The following NAV1 variants were observed in gnomAD, a reference collection of about 807,000 sequenced individuals.
The protein encoded by NAV1 is pore membrane and/or filament interacting like protein 3.
A neutral mutation model predicts 175.2 loss-of-function variants in NAV1; 18 were observed. That is an observed-to-expected ratio of 0.10 (90% CI 0.07 to 0.15). The LOEUF is 0.15. Ranked by LOEUF, NAV1 falls within the 10% of genes least tolerant of loss-of-function variation. The probability of loss-of-function intolerance (pLI) is 1.00; values close to 1 mark genes in which losing one functional copy is unlikely to be tolerated. For synonymous variants in NAV1, 897 were observed against 978.7 expected (o/e 0.92, Z 1.56); for missense variants, 1,731 against 2,436.6 (o/e 0.71, Z 6.10).
At chr1:201,774,751 C>A (rs530456792) in intron 3 of NAV1, among the ~76,000 whole-genome samples, 5 of 152,316 alleles carry the variant, frequency 3.3e-5, no homozygotes, top group Admixed American at 2.0e-4. Flanking sequence ...CCAAAAGAGT[C>A]ACTTAGGATA....
At chr1:201,578,704 A>G (rs889634411) in intron 1 of NAV1, among the ~76,000 whole-genome samples, 1 of 152,208 alleles carries the variant, frequency 6.6e-6, no homozygotes, top group Non-Finnish European at 1.5e-5. Flanking sequence ...TAGGCTCCCC[A>G]CTTGCCCTTC....
chr1:201,711,337 G>A (rs763690032), intron 1 of NAV1, among the ~76,000 whole-genome samples: 18 of 152,232 alleles, frequency 1.2e-4, no homozygotes, highest in Non-Finnish European at 2.4e-4. Context: ...CTCAGAAAAG[G>A]TGCCCAAAAG....
At position 201,569,761 on chromosome 1, in the gene NAV1, C is replaced by T. The variant is rs530915456; in HGVS notation, c.-143-18778C>T. 1.4e-3 allele frequency among the ~76,000 whole-genome samples: 217 copies of T among 152,302 alleles called. 1 individual carries two copies. The highest frequency in any genetic ancestry group is 4.5e-3 in the African/African-American group (185 of 41,558). On this transcript the variant is annotated intron_variant, in intron 1 of 33. Coordinates refer to the NAV1 transcript ENST00000685211. ...GTAACCCCCTCATGAGGAAGCCCCT[C>T]GCAGTATCCGCTGGTCCAGTTCTCT...
upstream of NAV1, among the ~76,000 whole-genome samples, chr1:201,620,498 G>A (rs1044186851): frequency 1.5e-4 from 18 of 118,674 alleles, no homozygotes; most frequent in Admixed American, 6.8e-4. Flanking sequence ...TCGCTCTCTC[G>A]TTCAGGCTGG....
intron 1 of NAV1, among the ~76,000 whole-genome samples, chr1:201,669,788 G>T (rs1669965011): frequency 6.6e-6 from 1 of 152,076 alleles, no homozygotes. Flanking sequence ...ATTCCTGCAG[G>T]CTCCAGGGAG....
chr1:201,650,076 G>A (rs1162749117), intron 1 of NAV1, among the ~76,000 whole-genome samples: 1 of 152,218 alleles, frequency 6.6e-6, no homozygotes, highest in Non-Finnish European at 1.5e-5. Context: ...CCCTACACCC[G>A]CAGGTCTTTT....
At chr1:201,739,900 A>C (rs1673291779) in intron 3 of NAV1, 1 of 1,289,498 alleles carries the variant, frequency 7.8e-7, no homozygotes, top group South Asian at 2.7e-5. Context: ...GGCGAGGGTT[A>C]GGTTTCCGAC....
At chr1:201,614,880 T>C (rs549146262) in intron 2 of NAV1, among the ~76,000 whole-genome samples, 1 of 152,334 alleles carries the variant, frequency 6.6e-6, no homozygotes, top group Admixed American at 6.5e-5. Context: ...GGAATGATAA[T>C]AATAGCACCA....
intron 2 of NAV1, among the ~76,000 whole-genome samples, chr1:201,639,940 C>T (rs530970153): frequency 9.3e-4 from 141 of 152,322 alleles, no homozygotes; most frequent in African/African-American, 3.2e-3. Context: ...CCTGCTCTAT[C>T]CTTGCCCTGT....
At chr1:201,648,287 C>G (rs1376207278) in exon 1 of NAV1, 1 of 1,091,766 alleles carries the variant, frequency 9.2e-7, no homozygotes, top group Non-Finnish European at 1.1e-6. Flanking sequence ...GGCTGGGATC[C>G]GGACACCAAA....
intron 29 of NAV1, among the ~76,000 whole-genome samples, chr1:201,819,278 T>C (rs1323905388): frequency 3.9e-5 from 6 of 152,168 alleles, no homozygotes; most frequent in Admixed American, 3.9e-4. Context: ...TCTTTTTTGG[T>C]ATTCCTCCAT....
At position 201,789,816 on chromosome 1, in the gene NAV1, CCT is replaced by C. The variant is rs756793234; in HGVS notation, c.3219+28_3219+29del. 9 of 1,603,498 alleles carry C rather than the reference CCT, an allele frequency of 5.6e-6. No homozygotes were observed. In the African/African-American group the frequency reaches 1.1e-4, roughly 19 times the overall value. On this transcript the variant is annotated intron_variant, in intron 11 of 29. Coordinates refer to ENST00000367296, the Ensembl canonical transcript of NAV1. ...CAGTAAGAGCATTAACTTCTCTTCC[CCT>C]CTCATCCCCTCCCCTCTACCATCCC...
chr1:201,618,852 G>C (rs1282969265), upstream of NAV1, among the ~76,000 whole-genome samples: 2 of 152,220 alleles, frequency 1.3e-5, no homozygotes, highest in Non-Finnish European at 2.9e-5. Flanking sequence ...CATCTGCCAG[G>C]TGTCCTTAAA....
At chr1:201,545,747 T>A (rs1181887420) in intron 1 of NAV1, among the ~76,000 whole-genome samples, 1 of 152,262 alleles carries the variant, frequency 6.6e-6, no homozygotes, top group Non-Finnish European at 1.5e-5. Flanking sequence ...GATTTTCTTT[T>A]CAATTTGTAG....
chr1:201,552,260 G>A (rs747108640), intron 1 of NAV1, among the ~76,000 whole-genome samples: 2 of 152,246 alleles, frequency 1.3e-5, no homozygotes, highest in Non-Finnish European at 2.9e-5. Flanking sequence ...TGAGTTGGCC[G>A]CTCTTAGCAC....
exon 2 of NAV1, chr1:201,712,908 G>A (rs748140285): frequency 6.2e-7 from 1 of 1,613,448 alleles, no homozygotes; most frequent in Non-Finnish European, 8.5e-7. Flanking sequence ...GAGGGTCCCA[G>A]GTGACTCACA....
chr1:201,588,518 A>AT (rs58689392), intron 1 of NAV1, among the ~76,000 whole-genome samples, 21 bp from the exon 2 acceptor site: 30,837 of 139,474 alleles, frequency 0.22, 3,984 homozygotes, highest in African/African-American at 0.36. Context: ...CAGCTGATTA[A>AT]TTTTTTTTTT....
intron 1 of NAV1, among the ~76,000 whole-genome samples, chr1:201,709,709 G>A (rs913617459): frequency 1.3e-5 from 2 of 152,136 alleles, no homozygotes; most frequent in African/African-American, 4.8e-5. Flanking sequence ...CCTCTGCAGG[G>A]CCCCTCCAGC....
intron 1 of NAV1, among the ~76,000 whole-genome samples, chr1:201,540,022 A>G (rs1326895197): frequency 6.6e-6 from 1 of 152,154 alleles, no homozygotes; most frequent in African/African-American, 2.4e-5. Context: ...AGCTCACCTG[A>G]GCGCTCCCGA....
Sources: gnomAD v4.1 joint callset for allele counts (sites outside exome capture counted in the v4.1 genomes callset) on GRCh38, gnomAD v4.1.1 for gene constraint, MANE v1.5 for transcripts, NCBI Gene and HGNC (gene_info 2026-07-23, HGNC 2026-07-21) for gene names.